GOLM2: variants seen among roughly 807,000 people sequenced by gnomAD.
GOLM2 encodes protein GOLM2.
Under a neutral mutation model 55.9 loss-of-function variants are expected in GOLM2, and 26 were observed. The observed-to-expected ratio is 0.47, with a 90% CI of 0.34 to 0.65. The LOEUF (loss-of-function observed/expected upper bound fraction) is 0.65. Among genes scored for constraint, GOLM2 ranks in the 30% least tolerant of loss-of-function variants. The pLI, the probability that GOLM2 is intolerant of heterozygous loss-of-function variation, is 0.01. For missense variants in GOLM2, 486 were observed against 531.8 expected (o/e 0.91, Z 0.85); for synonymous variants, 165 against 194.6 (o/e 0.85, Z 1.27).
intron 1 of GOLM2, among the ~76,000 whole-genome samples, chr15:44,300,346 A>G (rs1191867029): frequency 6.6e-6 from 1 of 152,168 alleles, no homozygotes. Flanking sequence ...TTTATTAAAT[A>G]TATTGGGCAC....
chr15:44,382,622 C>T (rs958964697), intron 8 of GOLM2, among the ~76,000 whole-genome samples: 7 of 152,026 alleles, frequency 4.6e-5, no homozygotes, highest in Admixed American at 6.6e-5. Flanking sequence ...CTACTGCTCC[C>T]GGCCAAGATT....
At chr15:44,318,588 A>G (rs900793360) in intron 1 of GOLM2, among the ~76,000 whole-genome samples, 2 of 152,152 alleles carry the variant, frequency 1.3e-5, no homozygotes, top group Non-Finnish European at 2.9e-5. Flanking sequence ...ATGTGCCTGT[A>G]GTCCAAGCTA....
intron 1 of GOLM2, among the ~76,000 whole-genome samples, chr15:44,294,997 A>G (rs920195923): frequency 2.0e-5 from 3 of 152,108 alleles, no homozygotes; most frequent in African/African-American, 7.2e-5. Context: ...AGGAATCAGA[A>G]AGGTGATATT....
At chr15:44,400,259 C>G (rs1595667876) in intron 8 of GOLM2, among the ~76,000 whole-genome samples, 1 of 151,644 alleles carries the variant, frequency 6.6e-6, no homozygotes, top group Admixed American at 6.6e-5. Context: ...AATTCATGCT[C>G]TTTTTCTTGG....
chr15:44,396,530 A>G (rs1431236930), intron 8 of GOLM2, among the ~76,000 whole-genome samples: 1 of 152,190 alleles, frequency 6.6e-6, no homozygotes, highest in Non-Finnish European at 1.5e-5. Context: ...AAGTTTATCT[A>G]TTCCACATGA....
chr15:44,328,220 C>A (rs1361993572), intron 2 of GOLM2, among the ~76,000 whole-genome samples: 1 of 152,166 alleles, frequency 6.6e-6, no homozygotes, highest in Non-Finnish European at 1.5e-5. Flanking sequence ...TGGCTTATGC[C>A]TTTAATCCCA....
At chr15:44,290,719 C>G (rs1399120703) in intron 1 of GOLM2, among the ~76,000 whole-genome samples, 2 of 152,236 alleles carry the variant, frequency 1.3e-5, no homozygotes, top group Non-Finnish European at 2.9e-5. Flanking sequence ...TCTCTCTGGT[C>G]TCAAAGGAAA....
At chr15:44,326,254 A>G (rs2141134196) in intron 2 of GOLM2, among the ~76,000 whole-genome samples, 1 of 146,644 alleles carries the variant, frequency 6.8e-6, no homozygotes, top group Admixed American at 6.9e-5. Context: ...AGAGCTAGAG[A>G]CTCTGTCTCA....
intron 6 of GOLM2, among the ~76,000 whole-genome samples, chr15:44,366,734 C>T (rs1405415176): frequency 2.0e-5 from 3 of 152,016 alleles, no homozygotes; most frequent in Non-Finnish European, 1.5e-5. Flanking sequence ...CAGTGGCTCA[C>T]GCCTGTAATC....
At chr15:44,378,032 ATTATTTAT>A (rs534507298) in intron 6 of GOLM2, among the ~76,000 whole-genome samples, 36 of 148,748 alleles carry the variant, frequency 2.4e-4, no homozygotes, top group Admixed American at 1.4e-3. Flanking sequence ...TATTTTTTAA[ATTATTTAT>A]TTATTTATTT....
chr15:44,383,069 TTTAC>T (rs1269142576), intron 8 of GOLM2, among the ~76,000 whole-genome samples: 1 of 151,206 alleles, frequency 6.6e-6, no homozygotes, highest in Non-Finnish European at 1.5e-5. Flanking sequence ...TACATTCCTT[TTTAC>T]TTAATTTAAA....
At chr15:44,374,480 C>CT (rs1259064114) in intron 6 of GOLM2, among the ~76,000 whole-genome samples, 6 of 151,570 alleles carry the variant, frequency 4.0e-5, no homozygotes, top group Admixed American at 3.3e-4. Flanking sequence ...GAGACCCCAT[C>CT]TTTGTTTTTG....
In GOLM2 at chr15:44,402,890, G is replaced by T; in HGVS notation, c.1076G>T (p.Arg359Leu). ...TAATCCTCTACCTACTTCACAGGCC[G>T]ATTCTTTGATGAAAATGAATCCCCT... is the stretch of plus-strand genomic sequence containing the variant. ...VSDFHKLKQS[R>L]FFDENESPVD... The change falls in exon 9 of 10, where the codon CGA becomes CTA. Residue 359 changes from arginine to leucine, a missense_variant. By Grantham distance (102) the Arg-to-Leu change is moderately radical. Transcript: ENST00000299957. 1.9e-6 allele frequency: 3 copies of T among 1,613,686 alleles called. No homozygotes were observed. The highest frequency in any genetic ancestry group is 1.1e-5 in the South Asian group (1 of 91,044).
chr15:44,391,471 T>C (rs994396556), intron 8 of GOLM2, among the ~76,000 whole-genome samples: 16 of 150,174 alleles, frequency 1.1e-4, no homozygotes, highest in African/African-American at 3.7e-4. Flanking sequence ...GAGCCAAGAT[T>C]GCGCCACTGT....
intron 8 of GOLM2, among the ~76,000 whole-genome samples, chr15:44,394,569 T>C (rs2079512382): frequency 6.6e-6 from 1 of 152,230 alleles, no homozygotes; most frequent in African/African-American, 2.4e-5. Flanking sequence ...TCCCTTGAGA[T>C]AGAAATGTGG....
chr15:44,304,561 T>C (rs886974458), intron 1 of GOLM2, among the ~76,000 whole-genome samples: 1 of 151,710 alleles, frequency 6.6e-6, no homozygotes, highest in African/African-American at 2.4e-5. Flanking sequence ...CTACTTCTAT[T>C]TCTAGTTCTC....
chr15:44,326,787 G>T (rs1409633480), intron 2 of GOLM2, among the ~76,000 whole-genome samples: 5 of 151,320 alleles, frequency 3.3e-5, no homozygotes, highest in African/African-American at 9.7e-5. Context: ...GAGTAGCTGG[G>T]ATTACAGGCA....
intron 2 of GOLM2, among the ~76,000 whole-genome samples, chr15:44,328,439 C>G (rs1412145416): frequency 1.3e-5 from 2 of 152,122 alleles, no homozygotes; most frequent in Non-Finnish European, 2.9e-5. Flanking sequence ...GATTGCACCA[C>G]TGCACTCTAA....
intron 6 of GOLM2, among the ~76,000 whole-genome samples, chr15:44,368,099 T>C (rs1175929952): frequency 6.6e-6 from 1 of 152,054 alleles, no homozygotes; most frequent in Non-Finnish European, 1.5e-5. Flanking sequence ...TATCTTTTTT[T>C]AATCCTTCTA....
Sources: allele counts gnomAD v4.1 joint callset (sites outside exome capture counted in the v4.1 genomes callset), GRCh38; gene constraint gnomAD v4.1.1; transcripts MANE v1.5; gene names NCBI Gene and HGNC (gene_info 2026-07-23, HGNC 2026-07-21).